The following NPAS2 variants were observed in gnomAD, a reference collection of about 807,000 sequenced individuals.
NPAS2 encodes neuronal PAS domain-containing protein 2.
A neutral mutation model predicts 107.5 loss-of-function variants in NPAS2; 23 were observed. The observed-to-expected ratio is 0.21, with a 90% CI of 0.15 to 0.30. The LOEUF (loss-of-function observed/expected upper bound fraction) is 0.30. Among genes scored for constraint, NPAS2 ranks in the 10% least tolerant of loss-of-function variants. The probability of loss-of-function intolerance (pLI) is 1.00; values close to 1 mark genes in which losing one functional copy is unlikely to be tolerated. For missense variants in NPAS2, 756 were observed against 1,043.3 expected, an observed-to-expected ratio of 0.72 and a Z score of 3.79; for synonymous variants, 403 against 417.5, an observed-to-expected ratio of 0.97 and a Z score of 0.42.
chr2:100,861,572 C>T (rs185120643), intron 1 of NPAS2, among the ~76,000 whole-genome samples: 39 of 152,160 alleles, frequency 2.6e-4, no homozygotes, highest in South Asian at 6.2e-4. Flanking sequence ...GCCAGGCAGT[C>T]ATGTGAGGGG....
chr2:100,982,162 C>A, intron 15 of NPAS2, 69 bp from the exon 16 acceptor site: 1 of 1,570,926 alleles, frequency 6.4e-7, no homozygotes. Context: ...GACCGAGCAG[C>A]AGCAAGATCT....
At chr2:100,855,617 C>T (rs1254939040) in intron 1 of NPAS2, among the ~76,000 whole-genome samples, 3 of 152,194 alleles carry the variant, frequency 2.0e-5, no homozygotes, top group Non-Finnish European at 4.4e-5. Flanking sequence ...AATGGCAGCT[C>T]TTTGCCCTCT....
chr2:100,840,883 G>A (rs565780790), intron 1 of NPAS2, among the ~76,000 whole-genome samples: 51 of 152,114 alleles, frequency 3.4e-4, no homozygotes, highest in Non-Finnish European at 5.0e-4. Context: ...TAAGCACGAG[G>A]AAGTCTAGAA....
intron 3 of NPAS2, among the ~76,000 whole-genome samples, chr2:100,927,446 AT>A (rs1683652461): frequency 6.6e-6 from 1 of 152,222 alleles, no homozygotes; most frequent in African/African-American, 2.4e-5. Flanking sequence ...GTACAGTTGA[AT>A]TAATTATCAC....
At chr2:100,857,598 A>T (rs1678659895) in intron 1 of NPAS2, among the ~76,000 whole-genome samples, 1 of 152,174 alleles carries the variant, frequency 6.6e-6, no homozygotes, top group Non-Finnish European at 1.5e-5. Flanking sequence ...TATGTGTTTC[A>T]GGGAGGGTTC....
intron 5 of NPAS2, among the ~76,000 whole-genome samples, chr2:100,947,794 G>C (rs534455536): frequency 7.9e-5 from 12 of 152,198 alleles, no homozygotes; most frequent in Non-Finnish European, 1.6e-4. Context: ...AGACCTTTAC[G>C]AAGTAGACTG....
At chr2:100,982,589 T>G in intron 16 of NPAS2, 2 of 591,756 alleles carry the variant, frequency 3.4e-6, no homozygotes, top group African/African-American at 1.9e-5. Flanking sequence ...TGATGTCCTC[T>G]TCCCTCGCCC....
intron 5 of NPAS2, among the ~76,000 whole-genome samples, chr2:100,939,095 C>T (rs1375412208): frequency 6.6e-6 from 1 of 152,130 alleles, no homozygotes; most frequent in Non-Finnish European, 1.5e-5. Context: ...GTGATGAGCC[C>T]AGCTCTGCTG....
chr2:100,886,080 A>C (rs1393478642), intron 1 of NPAS2, among the ~76,000 whole-genome samples: 1 of 152,246 alleles, frequency 6.6e-6, no homozygotes, highest in Admixed American at 6.5e-5. Flanking sequence ...GAATTTCAAA[A>C]TTGCAGTGAG....
chr2:100,846,192 C>A (rs539968183), intron 1 of NPAS2, among the ~76,000 whole-genome samples: 3 of 152,318 alleles, frequency 2.0e-5, no homozygotes, highest in South Asian at 4.1e-4. Flanking sequence ...TTTTCTCCAA[C>A]ATTTAGGGAA....
In NPAS2 at chr2:100,974,782, T is replaced by C. The variant is rs1330386384; in HGVS notation, c.1141-21T>C. On this transcript the variant is annotated intron_variant, in intron 12 of 20. Coordinates refer to ENST00000335681, the MANE Select transcript of NPAS2 (RefSeq NM_002518.4). ...TTCCTCTTGATGCTGACATGAGGAC[T>C]GTTTGATGTGTGTGTTTCAGGACAA... The C allele has an allele frequency of 1.9e-6, 3 of 1,611,006 alleles. No individual in the cohort carries two copies. The African/African-American group carries it at 4.0e-5, about 22-fold the overall frequency.
chr2:100,885,491 A>C (rs10185184), intron 1 of NPAS2, among the ~76,000 whole-genome samples: 18,576 of 152,134 alleles, frequency 0.12, 1,665 homozygotes, highest in East Asian at 0.35. Flanking sequence ...TGTTCCAAAG[A>C]TCTGATAGTT....
Position 100,929,744 on chromosome 2 carries a change from A to G in NPAS2, c.182-3166A>G, listed in dbSNP as rs1037207122. Among the ~76,000 whole-genome samples the G allele has an allele frequency of 3.9e-5, 6 of 152,180 alleles. No individual in the cohort carries two copies. The East Asian group carries it at 7.7e-4, about 20-fold the overall frequency. On this transcript the variant is annotated intron_variant, in intron 3 of 20. Coordinates refer to ENST00000335681, the MANE Select transcript of NPAS2 (RefSeq NM_002518.4). ...CCTTTCACCAGCAGATGGCTAGGTAAGGCCCAGGCATCAGCATTTTTAAGG... is the reference window on the plus strand; with the variant it reads ...CCTTTCACCAGCAGATGGCTAGGTAGGGCCCAGGCATCAGCATTTTTAAGG...
intron 1 of NPAS2, among the ~76,000 whole-genome samples, chr2:100,831,253 G>A (rs1478507029): frequency 3.3e-5 from 5 of 152,044 alleles, no homozygotes; most frequent in African/African-American, 9.7e-5. Flanking sequence ...CTGAGATTGC[G>A]CCATTGCACT....
intron 12 of NPAS2, among the ~76,000 whole-genome samples, chr2:100,974,598 T>A (rs961597062): frequency 6.6e-6 from 1 of 152,256 alleles, no homozygotes; most frequent in South Asian, 2.1e-4. Flanking sequence ...TAATAAACGC[T>A]GCTTTTCGGC....
At chr2:100,852,254 G>A (rs562302987) in intron 1 of NPAS2, among the ~76,000 whole-genome samples, 56 of 152,126 alleles carry the variant, frequency 3.7e-4, no homozygotes, top group South Asian at 2.5e-3. Flanking sequence ...AAAATTAGCC[G>A]GGCGTGGTGG....
intron 1 of NPAS2, among the ~76,000 whole-genome samples, chr2:100,889,978 T>C (rs1200846183): frequency 1.3e-5 from 2 of 152,068 alleles, no homozygotes; most frequent in Non-Finnish European, 2.9e-5. Context: ...GGGAGGGATA[T>C]GTAGAGCAAC....
At chr2:100,930,624 T>TA (rs970213069) in intron 3 of NPAS2, among the ~76,000 whole-genome samples, 24 of 151,956 alleles carry the variant, frequency 1.6e-4, no homozygotes, top group Admixed American at 2.6e-4. Context: ...TCTAACATAT[T>TA]TTTTTAATAT....
chr2:100,902,990 C>G (rs1302946922), intron 1 of NPAS2, among the ~76,000 whole-genome samples: 2 of 152,214 alleles, frequency 1.3e-5, no homozygotes, highest in African/African-American at 4.8e-5. Flanking sequence ...GATAAACATA[C>G]AAATCACAGA....
Sources: allele counts gnomAD v4.1 joint callset (sites outside exome capture counted in the v4.1 genomes callset), GRCh38; gene constraint gnomAD v4.1.1; transcripts MANE v1.5; gene names NCBI Gene and HGNC (gene_info 2026-07-23, HGNC 2026-07-21).